Variants in AGAP1 observed in about 807,000 individuals in gnomAD.
AGAP1 encodes the protein arf-GAP with GTPase, ANK repeat and PH domain-containing protein 1.
A neutral mutation model predicts 105.3 loss-of-function variants in AGAP1; 29 were observed. The observed-to-expected ratio is 0.28, with a 90% confidence interval of 0.21 to 0.38. The LOEUF is 0.38. AGAP1 is among the 10% of genes least tolerant of loss of function. AGAP1 has a pLI of 1.00. For synonymous variants in AGAP1, 509 were observed against 485.9 expected (o/e 1.05, Z -0.63); for missense variants, 998 against 1,165.1 (o/e 0.86, Z 2.09).
At position 236,040,740 on chromosome 2, in the gene AGAP1, T is replaced by C; in HGVS notation, c.1801-11T>C. ...CTTACGCCTTGTATTTGTGTCTTCC[T>C]CCGTGCCCAGTCCCGGCTGACGAGC... On this transcript the variant is annotated splice_polypyrimidine_tract_variant and intron_variant, in intron 14 of 17. Transcript: ENST00000304032. The surrounding 1 kb of genome is among the most constrained non-coding windows in gnomAD (Gnocchi z 5.6). 1 of 1,612,752 alleles carries C rather than the reference T, an allele frequency of 6.2e-7. No homozygotes were observed. The highest frequency in any genetic ancestry group is 8.5e-7 in the Non-Finnish European group (1 of 1,179,982).
rs551550187 is a variant in AGAP1, at chr2:235,991,862, A to AT, written c.1645+23243dup. On this transcript the variant is annotated intron_variant, in intron 13 of 17. Transcript: ENST00000304032. Reference sequence around the variant, plus strand: ...TGGAAAAATGTTCTTTTTACCTCTGATTTTCTCTTGTAATGTCTTCTTGAA... The same window carrying AT: ...TGGAAAAATGTTCTTTTTACCTCTGATTTTTCTCTTGTAATGTCTTCTTGAA... Among the ~76,000 whole-genome samples, 10 of 152,192 alleles carry AT rather than the reference A, an allele frequency of 6.6e-5. No individual in the cohort carries two copies. In the South Asian group the frequency reaches 2.1e-3, roughly 32 times the overall value.
chr2:236,090,990 C>T lies in AGAP1; in HGVS notation c.2115-29202C>T, dbSNP rs1235740716. On this transcript the variant is annotated intron_variant, in intron 16 of 17. Coordinates refer to ENST00000304032, the MANE Select transcript of AGAP1 (RefSeq NM_001037131.3). The surrounding 1 kb of genome is among the most constrained non-coding windows in gnomAD (Gnocchi z 4.3). ...CTGACCTCAGGTGATCTGCCCACCTCGGCCTCCCGAAGTGCTGGGTTGACA... is the reference window on the plus strand; with the variant it reads ...CTGACCTCAGGTGATCTGCCCACCTTGGCCTCCCGAAGTGCTGGGTTGACA... 6.6e-6 allele frequency among the ~76,000 whole-genome samples: 1 copy of T among 152,240 alleles called. No homozygotes were observed. Among genetic ancestry groups the T allele is most frequent in the Non-Finnish European group, 1.5e-5 (1 of 68,050 alleles).
chr2:235,953,851 G>A lies in AGAP1; in HGVS notation c.1484-14611G>A, dbSNP rs948905095. Among the ~76,000 whole-genome samples the A allele has an allele frequency of 6.6e-6, 1 of 150,664 alleles. No individual in the cohort carries two copies. The highest frequency in any genetic ancestry group is 2.4e-5 in the African/African-American group (1 of 40,964). On this transcript the variant is annotated intron_variant, in intron 12 of 17. Coordinates refer to ENST00000304032, the MANE Select transcript of AGAP1 (RefSeq NM_001037131.3). The surrounding 1 kb of genome is among the most constrained non-coding windows in gnomAD (Gnocchi z 5.2). ...GGCAGGAGGATCGCTGGAGCCCCAGGAGTTCAAGGCTGCAGTGAGCTTTGA... is the reference window on the plus strand; with the variant it reads ...GGCAGGAGGATCGCTGGAGCCCCAGAAGTTCAAGGCTGCAGTGAGCTTTGA...
rs540284003 is a variant in AGAP1, at chr2:236,108,264, G to A, written c.2115-11928G>A. Among the ~76,000 whole-genome samples, 4 of 152,168 alleles carry A rather than the reference G, an allele frequency of 2.6e-5. No individual in the cohort carries two copies. In the East Asian group the frequency reaches 5.8e-4, roughly 22 times the overall value. On this transcript the variant is annotated intron_variant, in intron 16 of 17. Coordinates refer to ENST00000304032, the MANE Select transcript of AGAP1 (RefSeq NM_001037131.3). ...AAGGAAGCCCCTCTCTCTTCCTCAC[G>A]TATTGTTCCAGCCCCCTCTTCCATG... is the stretch of plus-strand genomic sequence containing the variant.
intron 10 of AGAP1, among the ~76,000 whole-genome samples, chr2:235,895,245 T>C (rs1454324950): frequency 6.6e-6 from 1 of 152,216 alleles, no homozygotes; most frequent in Non-Finnish European, 1.5e-5. Context: ...TTTTGTTGAT[T>C]TCCCTCCTTT....
In AGAP1 at chr2:235,876,025, C is replaced by G. The variant is rs185145792; in HGVS notation, c.1051-7320C>G. Among the ~76,000 whole-genome samples, 9 of 152,244 alleles carry G rather than the reference C, an allele frequency of 5.9e-5. No homozygotes were observed. The South Asian group carries it at 1.5e-3, about 25-fold the overall frequency. ...AGTTGTTCTATGTCAGACCCATGAC[C>G]AAGATCTCCTTGCTATAATTAGATG... On this transcript the variant is annotated intron_variant, in intron 9 of 17. Transcript: ENST00000304032.
At chr2:235,513,041 C>T (rs1287705738) in intron 1 of AGAP1, among the ~76,000 whole-genome samples, 1 of 152,162 alleles carries the variant, frequency 6.6e-6, no homozygotes, top group East Asian at 1.9e-4. Context: ...CATGGCAGTT[C>T]TGGTCATTTT....
chr2:236,077,636 C>A (rs139632374), intron 16 of AGAP1, among the ~76,000 whole-genome samples: 1 of 152,068 alleles, frequency 6.6e-6, no homozygotes, highest in South Asian at 2.1e-4. Flanking sequence ...TCTTTTAAAG[C>A]GTTATTTTTA....
At chr2:236,059,647 G>A (rs1043772275) in intron 16 of AGAP1, among the ~76,000 whole-genome samples, 3 of 152,172 alleles carry the variant, frequency 2.0e-5, no homozygotes, top group African/African-American at 7.2e-5. Context: ...GGAATCGAGA[G>A]TCCAGAAATG....
chr2:235,990,794 T>C (rs1040080637), intron 13 of AGAP1, among the ~76,000 whole-genome samples: 2 of 152,230 alleles, frequency 1.3e-5, no homozygotes, highest in African/African-American at 2.4e-5. Flanking sequence ...GACTAAAATA[T>C]GACCATGGCC....
chr2:235,820,514 T>C (rs1342935338), intron 9 of AGAP1, among the ~76,000 whole-genome samples: 6 of 152,228 alleles, frequency 3.9e-5, no homozygotes, highest in Non-Finnish European at 8.8e-5. Flanking sequence ...AAATTTTGTT[T>C]ATAAGGAATT....
intron 13 of AGAP1, among the ~76,000 whole-genome samples, chr2:235,996,868 T>A (rs2055838144): frequency 6.6e-6 from 1 of 152,246 alleles, no homozygotes; most frequent in Admixed American, 6.5e-5. Flanking sequence ...TGAAAGAGAT[T>A]AATCCTTGCC....
rs1266644982 is a variant in AGAP1, at chr2:235,864,281, GC to G, written c.1051-19059del. ...CGTGAACTCTGCATTTTCGCAGAAT[GC>G]CCCCATCATGTGAAGGGGTTCGGCT... On this transcript the variant is annotated intron_variant, in intron 9 of 17. Coordinates refer to ENST00000304032, the MANE Select transcript of AGAP1 (RefSeq NM_001037131.3). The surrounding 1 kb of genome is among the most constrained non-coding windows in gnomAD (Gnocchi z 5.0). 4.6e-5 allele frequency among the ~76,000 whole-genome samples: 7 copies of G among 152,194 alleles called. No homozygotes were observed. In the East Asian group the frequency reaches 1.3e-3, roughly 29 times the overall value.
rs1574938071 is a variant in AGAP1 at position 235,599,868 on chromosome 2, A to G, written c.163+105019A>G. Among the ~76,000 whole-genome samples, 3 of 152,208 alleles carry G rather than the reference A, an allele frequency of 2.0e-5. No homozygotes were observed. In the East Asian group the frequency reaches 5.8e-4, roughly 29 times the overall value. The stretch of plus-strand genomic sequence containing the variant: ...CGCCCCTGGTGGAGGCAATGCTGGT[A>G]CCCACGACGTGGAGCCCTGAAGGAT... On this transcript the variant is annotated intron_variant, in intron 1 of 17. Transcript: ENST00000304032. The surrounding 1 kb of genome is among the most constrained non-coding windows in gnomAD (Gnocchi z 5.3).
intron 9 of AGAP1, among the ~76,000 whole-genome samples, chr2:235,809,646 G>A (rs1434470431): frequency 1.3e-5 from 2 of 152,146 alleles, no homozygotes; most frequent in African/African-American, 2.4e-5. Context: ...TGCATCGGAC[G>A]GATTGATGTG....
intron 9 of AGAP1, among the ~76,000 whole-genome samples, chr2:235,853,813 G>A (rs1050585183): frequency 5.3e-5 from 8 of 152,030 alleles, no homozygotes; most frequent in Non-Finnish European, 7.4e-5. Flanking sequence ...GGGAAAGGAT[G>A]GTCGCTAGCT....
intron 2 of AGAP1, among the ~76,000 whole-genome samples, chr2:235,713,745 A>G (rs1318487347): frequency 6.6e-6 from 1 of 152,208 alleles, no homozygotes; most frequent in South Asian, 2.1e-4. Context: ...AATATCATAC[A>G]CTGAGCAGCT....
In AGAP1 at chr2:235,875,963, C is replaced by T. The variant is rs888680500; in HGVS notation, c.1051-7382C>T. On this transcript the variant is annotated intron_variant, in intron 9 of 17. Transcript: ENST00000304032. This position sits in a 1 kb window ranked among gnomAD's most constrained non-coding sequence, Gnocchi z 4.0. ...TTCATTTAATGAGAGTTAAGTTTGA[C>T]CATATAATGGAACAAATGTTAATTT... Among the ~76,000 whole-genome samples, 2 of 152,084 alleles carry T rather than the reference C, an allele frequency of 1.3e-5. No homozygotes were observed. Among genetic ancestry groups the T allele is most frequent in the Non-Finnish European group, 2.9e-5 (2 of 68,026 alleles).
chr2:235,755,866 G>A (rs1046541544), intron 6 of AGAP1, among the ~76,000 whole-genome samples: 2 of 152,206 alleles, frequency 1.3e-5, no homozygotes, highest in Non-Finnish European at 2.9e-5. Context: ...TCAGGTCTCC[G>A]GAAGGTCAGG....
Sources: gnomAD v4.1 joint callset for allele counts (sites outside exome capture counted in the v4.1 genomes callset) on GRCh38, gnomAD v4.1.1 for gene constraint, Gnocchi (gnomAD v3.1) non-coding constraint, MANE v1.5 for transcripts, NCBI Gene and HGNC (gene_info 2026-07-23, HGNC 2026-07-21) for gene names.